MYT1L: variants seen among roughly 807,000 people sequenced by gnomAD.
MYT1L encodes myelin transcription factor 1 like, also known as myelin transcription factor 1-like protein.
A neutral mutation model predicts 126.7 loss-of-function variants in MYT1L; 12 were observed. That is an observed-to-expected ratio of 0.09 (90% CI 0.06 to 0.15). MYT1L has a LOEUF of 0.15. MYT1L is among the 10% of genes least tolerant of loss of function. MYT1L has a pLI of 1.00. For missense variants in MYT1L, 979 were observed against 1,585.2 expected (o/e 0.62, Z 6.49); for synonymous variants, 541 against 604.2 (o/e 0.90, Z 1.53).
At chr2:1,803,003 G>A (rs1252693356) in intron 22 of MYT1L, among the ~76,000 whole-genome samples, 1 of 152,160 alleles carries the variant, frequency 6.6e-6, no homozygotes, top group Non-Finnish European at 1.5e-5. Flanking sequence ...TCAACCAGAG[G>A]CCGAGGCCTG....
intron 2 of MYT1L, among the ~76,000 whole-genome samples, chr2:2,264,503 T>G (rs1319815798): frequency 6.6e-6 from 1 of 152,134 alleles, no homozygotes; most frequent in Admixed American, 6.5e-5. Context: ...TAGTGAAGCA[T>G]TCACACAACC....
rs1573553912 is a variant in MYT1L at position 1,917,301 on chromosome 2, T to C, written c.1522A>G (p.Thr508Ala). ...TGGCCGGTTCCATCACACCCGGGGG[T>C]TGGACACTTGCTCTCTTTCTTTTCT... ...RTEKKESKCP[T>A]PGCDGTGHVT... Residue 508 changes from threonine (T) to alanine (A), a missense_variant, in exon 11 of 25, where the codon ACC becomes GCC. Thr to Ala is a moderately conservative substitution (Grantham distance 58). Transcript: ENST00000647738. The surrounding 1 kb of genome is among the most constrained non-coding windows in gnomAD (Gnocchi z 5.9). The C allele has an allele frequency of 6.2e-7, 1 of 1,611,516 alleles. No individual in the cohort carries two copies. The highest frequency in any genetic ancestry group is 8.5e-7 in the Non-Finnish European group (1 of 1,178,310).
At chr2:2,289,593 C>G (rs1559563555) in intron 1 of MYT1L, among the ~76,000 whole-genome samples, 1 of 152,174 alleles carries the variant, frequency 6.6e-6, no homozygotes, top group Non-Finnish European at 1.5e-5. Flanking sequence ...AGTCATCCTT[C>G]CATAAGACGG....
At chr2:1,884,391 G>A (rs900155034) in intron 18 of MYT1L, among the ~76,000 whole-genome samples, 6 of 152,172 alleles carry the variant, frequency 3.9e-5, no homozygotes, top group South Asian at 2.1e-4. Flanking sequence ...AAGTTGTTGC[G>A]AGTCATGAGG....
chr2:2,148,652 C>T (rs534022348), intron 3 of MYT1L, among the ~76,000 whole-genome samples: 82 of 152,178 alleles, frequency 5.4e-4, no homozygotes, highest in Non-Finnish European at 8.4e-4. Context: ...CAGGGCATGG[C>T]GTTCCTGTCT....
At chr2:2,128,965 A>G (rs2082037873) in intron 3 of MYT1L, among the ~76,000 whole-genome samples, 1 of 152,262 alleles carries the variant, frequency 6.6e-6, no homozygotes. Context: ...AGGAAACAGA[A>G]GAGAGACTCT....
chr2:2,025,127 G>A (rs1181844010), intron 4 of MYT1L, among the ~76,000 whole-genome samples: 5 of 152,178 alleles, frequency 3.3e-5, no homozygotes, highest in Admixed American at 6.5e-5. Flanking sequence ...GGAAGTTCAG[G>A]GGCCCTGGAT....
chr2:1,991,709 G>A (rs542726589), intron 5 of MYT1L, among the ~76,000 whole-genome samples: 8 of 152,146 alleles, frequency 5.3e-5, no homozygotes, highest in South Asian at 2.1e-4. Context: ...ACCCTCCAAC[G>A]GCTAACCTGC....
chr2:1,865,590 TTTC>T (rs1433692070), intron 18 of MYT1L, among the ~76,000 whole-genome samples: 1 of 152,114 alleles, frequency 6.6e-6, no homozygotes, highest in Non-Finnish European at 1.5e-5. Context: ...CCTTGTTTTT[TTTC>T]TTTTTTTTTT....
rs1553354694 is a variant in MYT1L at position 1,956,191 on chromosome 2, G to GTCTGTCTGTCTATCTATCTA, written c.153-12858_153-12857insTAGATAGATAGACAGACAGA. On this transcript the variant is annotated intron_variant, in intron 8 of 24. Coordinates refer to ENST00000647738, the MANE Select transcript of MYT1L (RefSeq NM_001303052.2). ...TGTCTGCCTGTTCATTTACCTAGCT[G>GTCTGTCTGTCTATCTATCTA]TCTATCTATCTATCTATCTATCTAT... Among the ~76,000 whole-genome samples, 166 of 145,986 alleles carry GTCTGTCTGTCTATCTATCTA rather than the reference G, an allele frequency of 1.1e-3. 4 individuals carry two copies. Among genetic ancestry groups the GTCTGTCTGTCTATCTATCTA allele is most frequent in the African/African-American group, 3.2e-3 (119 of 37,406 alleles).
At chr2:1,864,002 A>AG (rs143383013) in intron 18 of MYT1L, among the ~76,000 whole-genome samples, 8,607 of 152,246 alleles carry the variant, frequency 0.057, 309 homozygotes, top group Non-Finnish European at 0.072. Flanking sequence ...TGAGAAGTGC[A>AG]GGAGCATCAC....
intron 3 of MYT1L, among the ~76,000 whole-genome samples, chr2:2,055,108 T>TA (rs1487031677): frequency 6.6e-6 from 1 of 152,190 alleles, no homozygotes; most frequent in East Asian, 1.9e-4. Flanking sequence ...CTTTGTAATA[T>TA]AAAAAATACA....
chr2:2,239,291 A>C (rs958419258), intron 2 of MYT1L, among the ~76,000 whole-genome samples: 1 of 152,220 alleles, frequency 6.6e-6, no homozygotes, highest in Non-Finnish European at 1.5e-5. Context: ...AGGAAGGAAA[A>C]AGTGACTCTC....
At chr2:2,328,774 C>G (rs1228327891) in intron 1 of MYT1L, among the ~76,000 whole-genome samples, 3 of 152,052 alleles carry the variant, frequency 2.0e-5, no homozygotes, top group East Asian at 1.9e-4. Context: ...TACATATATA[C>G]AAGTAATTTT....
At chr2:2,310,594 C>G (rs1006124003) in intron 1 of MYT1L, among the ~76,000 whole-genome samples, 7 of 152,148 alleles carry the variant, frequency 4.6e-5, no homozygotes, top group African/African-American at 1.4e-4. Flanking sequence ...TGCTAGAACC[C>G]TACGTTTTCT....
intron 2 of MYT1L, among the ~76,000 whole-genome samples, chr2:2,241,109 A>AT (rs1003039631): frequency 2.6e-5 from 4 of 151,860 alleles, no homozygotes; most frequent in East Asian, 1.9e-4. Context: ...GGTACCAAGA[A>AT]TTTTTTTTTG....
intron 2 of MYT1L, among the ~76,000 whole-genome samples, chr2:2,236,797 TTCTTCTTCTTCTTCTTC>T (rs2094326268): frequency 9.9e-5 from 2 of 20,126 alleles, no homozygotes; most frequent in Non-Finnish European, 7.5e-5. Flanking sequence ...CTTCTTCTTC[TTCTTCTTCTTCTTCTTC>T]TTTTTTTTTT....
rs907427554 is a variant in MYT1L, at chr2:1,844,799, C to T, written c.2775-3956G>A. 5.9e-5 allele frequency among the ~76,000 whole-genome samples: 9 copies of T among 152,082 alleles called. No individual in the cohort carries two copies. In the East Asian group the frequency reaches 9.7e-4, roughly 16 times the overall value. ...CCCAGATTTGAACCTAACAAAAAGT[C>T]GCTCCCCCTCGTCTTCTCCTTCCAA... is the stretch of plus-strand genomic sequence containing the variant. On this transcript the variant is annotated intron_variant, in intron 19 of 24. Transcript: ENST00000647738.
At chr2:1,861,561 C>T (rs1257389245) in intron 18 of MYT1L, among the ~76,000 whole-genome samples, 5 of 150,496 alleles carry the variant, frequency 3.3e-5, no homozygotes, top group Non-Finnish European at 7.4e-5. Flanking sequence ...GTATTCTAAT[C>T]GGGGTTTGGG....
Sources: gnomAD v4.1 joint callset for allele counts (sites outside exome capture counted in the v4.1 genomes callset) on GRCh38, gnomAD v4.1.1 for gene constraint, Gnocchi (gnomAD v3.1) non-coding constraint, MANE v1.5 for transcripts, NCBI Gene and HGNC (gene_info 2026-07-23, HGNC 2026-07-21) for gene names.